Variants in LRP6 observed in about 807,000 individuals in gnomAD.
LRP6 encodes the protein low-density lipoprotein receptor-related protein 6.
Under a neutral mutation model 184.1 loss-of-function variants are expected in LRP6, and 43 were observed. The observed-to-expected ratio is 0.23, with a 90% CI of 0.18 to 0.30. LRP6 has a LOEUF of 0.30. LRP6 is among the 10% of genes least tolerant of loss of function. The pLI, the probability that LRP6 is intolerant of heterozygous loss-of-function variation, is 1.00. For synonymous variants in LRP6, 719 were observed against 684.9 expected, an observed-to-expected ratio of 1.05 and a Z score of -0.78; for missense variants, 1,571 against 2,005.3, an observed-to-expected ratio of 0.78 and a Z score of 4.14.
chr12:12,215,904 T>G (rs368862912), intron 2 of LRP6, among the ~76,000 whole-genome samples: 1 of 151,500 alleles, frequency 6.6e-6, no homozygotes, highest in Non-Finnish European at 1.5e-5. Flanking sequence ...CCCAGCTACT[T>G]GGGAAGTTGA....
In LRP6 at chr12:12,138,518, T is replaced by C; in HGVS notation, c.3414A>G (p.Val1138=). 1 of 1,613,974 alleles carries C rather than the reference T, an allele frequency of 6.2e-7. No homozygotes were observed. ...SSDLSGANRI[V]LEDSNILQPV... The stretch of plus-strand genomic sequence containing the variant: ...GCTGCAAGATATTGGAGTCTTCTAA[T>C]ACTATCCGGTTAGCACCTTGGAAAA... Residue 1138 remains valine, a synonymous_variant, in exon 16 of 23, where the codon GTA becomes GTG. Coordinates refer to ENST00000261349, the MANE Select transcript of LRP6 (RefSeq NM_002336.3).
At chr12:12,138,638 A>G in intron 15 of LRP6, 104 bp from the exon 16 acceptor site, 4 of 1,197,530 alleles carry the variant, frequency 3.3e-6, no homozygotes, top group Non-Finnish European at 2.3e-6. Flanking sequence ...TAGAGAAAAG[A>G]AAAAAAAAAC....
intron 2 of LRP6, among the ~76,000 whole-genome samples, chr12:12,203,772 C>G (rs1189118650): frequency 6.6e-6 from 1 of 151,962 alleles, no homozygotes; most frequent in Non-Finnish European, 1.5e-5. Context: ...GTCTCAAAAA[C>G]AAACAAACAA....
In LRP6 at chr12:12,130,774, C is replaced by A. The variant is rs1296231153; in HGVS notation, c.4081+9G>T. The A allele has an allele frequency of 3.2e-6, 5 of 1,555,776 alleles. No homozygotes were observed. Among genetic ancestry groups the A allele is most frequent in the Non-Finnish European group, 4.4e-6 (5 of 1,126,958 alleles). ...TTAAGAGTAATTTATAGATCTCAGT[C>A]CTACTTACAACAATCCAGTTCATCT... On this transcript the variant is annotated intron_variant, in intron 19 of 22. Transcript: ENST00000261349.
chr12:12,218,839 C>T (rs1864415373), intron 2 of LRP6, among the ~76,000 whole-genome samples: 1 of 151,894 alleles, frequency 6.6e-6, no homozygotes, highest in Non-Finnish European at 1.5e-5. Flanking sequence ...CTTTAAAAAA[C>T]AAAAAACCAG....
chr12:12,244,588 C>T lies in LRP6; in HGVS notation c.123G>A (p.Glu41=). 1 of 1,614,208 alleles carries T rather than the reference C, an allele frequency of 6.2e-7. No individual in the cohort carries two copies. The highest frequency in any genetic ancestry group is 8.5e-7 in the Non-Finnish European group (1 of 1,180,020). Residue 41 remains glutamate, a synonymous_variant, in exon 2 of 23, where the codon GAG becomes GAA. Coordinates refer to ENST00000261349, the MANE Select transcript of LRP6 (RefSeq NM_002336.3). ...AGCCTCCAACTACAATCGTAGCATT[C>T]TCTTTGCCATTTGTAGCATCAACCA... is the stretch of plus-strand genomic sequence containing the variant. ...LRLVDATNGK[E]NATIVVGGLE...
rs959727314 is a variant in LRP6 at position 12,219,813 on chromosome 12, G to A, written c.450-16413C>T. Among the ~76,000 whole-genome samples the A allele has an allele frequency of 4.6e-5, 7 of 152,144 alleles. 1 individual carries two copies. Among genetic ancestry groups the A allele is most frequent in the Non-Finnish European group, 5.9e-5 (4 of 68,040 alleles). ...TCTCTCCTAACTGGGACAGGGTTAC[G>A]TGTAAGTCCTGAGCTTTTCCAGTCA... On this transcript the variant is annotated intron_variant, in intron 2 of 22. Transcript: ENST00000261349.
rs577780034 is a variant in LRP6, at chr12:12,253,221, G to A, written c.56-8566C>T. On this transcript the variant is annotated intron_variant, in intron 1 of 22. Coordinates refer to ENST00000261349, the MANE Select transcript of LRP6 (RefSeq NM_002336.3). ...AGAGGTTGTGGTGGGCCAAGATCGC[G>A]CCACTGAACTCCAGCCTGGGCAACA... Among the ~76,000 whole-genome samples the A allele has an allele frequency of 1.4e-4, 22 of 152,256 alleles. No homozygotes were observed. In the East Asian group the frequency reaches 2.1e-3, roughly 15 times the overall value.
chr12:12,132,248 C>CTA (rs1949770655), intron 17 of LRP6, among the ~76,000 whole-genome samples, 191 bp from the exon 18 acceptor site: 1 of 152,196 alleles, frequency 6.6e-6, no homozygotes, highest in African/African-American at 2.4e-5. Context: ...TTTACATTCA[C>CTA]TATAAACTTT....
chr12:12,150,873 T>C lies in LRP6; in HGVS notation c.2957A>G (p.Gln986Arg), dbSNP rs1243538510. The stretch of plus-strand genomic sequence containing the variant: ...TTCTTGTGCCTTTCGGATCATGTTT[T>C]GTCGTGAGTCAATCCAATAGAGTTG... ...DKQLYWIDSR[Q>R]NMIRKAQEDG... is the part of the protein sequence containing the mutation. The change falls in exon 13 of 23, where the codon CAA becomes CGA. Residue 986 changes from glutamine to arginine, a missense_variant. Gln to Arg is a conservative substitution (Grantham distance 43, BLOSUM62 1). This residue lies in a region of LRP6 where 763 missense variants were observed against 859.5 expected (regional missense o/e 0.89). Transcript: ENST00000261349. The C allele has an allele frequency of 6.2e-7, 1 of 1,614,104 alleles. No individual in the cohort carries two copies.
chr12:12,256,180 C>G (rs776343990), intron 1 of LRP6, among the ~76,000 whole-genome samples: 3 of 152,166 alleles, frequency 2.0e-5, no homozygotes, highest in Non-Finnish European at 2.9e-5. Flanking sequence ...GATTTAACTG[C>G]AACAGGACGA....
At chr12:12,148,192 T>A (rs1950035732) in intron 14 of LRP6, among the ~76,000 whole-genome samples, 1 of 151,908 alleles carries the variant, frequency 6.6e-6, no homozygotes, top group Non-Finnish European at 1.5e-5. Context: ...CTTTCATAGA[T>A]TAACAGAATA....
At chr12:12,223,168 T>C (rs1213716708) in intron 2 of LRP6, among the ~76,000 whole-genome samples, 1 of 136,302 alleles carries the variant, frequency 7.3e-6, no homozygotes, top group African/African-American at 2.6e-5. Flanking sequence ...AAGTTCTTCA[T>C]TTCATCAGAA....
chr12:12,265,490 G>A (rs1865733042), intron 1 of LRP6, among the ~76,000 whole-genome samples: 1 of 152,126 alleles, frequency 6.6e-6, no homozygotes, highest in Non-Finnish European at 1.5e-5. Context: ...CAGACTATTA[G>A]TTACTATTAG....
intron 2 of LRP6, among the ~76,000 whole-genome samples, chr12:12,238,854 A>G (rs1864986981): frequency 6.6e-6 from 1 of 152,194 alleles, no homozygotes; most frequent in Non-Finnish European, 1.5e-5. Context: ...TAAACCTAAA[A>G]ACATGAAACT....
At chr12:12,149,269 C>A in intron 13 of LRP6, 116 bp from the exon 14 acceptor site, 1 of 818,366 alleles carries the variant, frequency 1.2e-6, no homozygotes, top group Non-Finnish European at 2.1e-6. Context: ...TCTCTCAAGT[C>A]TTAAGGAGTA....
intron 18 of LRP6, among the ~76,000 whole-genome samples, chr12:12,131,377 G>C (rs1949754022): frequency 6.6e-6 from 1 of 152,064 alleles, no homozygotes; most frequent in Non-Finnish European, 1.5e-5. Context: ...CAAAGTGCTG[G>C]GATTACAGGC....
rs1176205579 is a variant in LRP6 at position 12,181,378 on chromosome 12, T to G, written c.1038A>C (p.Thr346=). The G allele has an allele frequency of 1.9e-6, 3 of 1,587,266 alleles. No individual in the cohort carries two copies. Residue 346 remains threonine (T), a synonymous_variant, in exon 6 of 23, where the codon ACA becomes ACC. Coordinates refer to ENST00000261349, the MANE Select transcript of LRP6 (RefSeq NM_002336.3). ...RTDLRRISLD[T]PDFTDIVLQL... ...GCAGAACAATGTCTGTAAAATCTGG[T>G]GTATCCAAAGAAATGCGTCTCAAGT...
intron 2 of LRP6, among the ~76,000 whole-genome samples, chr12:12,222,575 A>G (rs903833864): frequency 6.1e-5 from 9 of 148,574 alleles, no homozygotes; most frequent in African/African-American, 2.0e-4. Flanking sequence ...TCAAAAAAAA[A>G]AAAGAAAGAA....
Sources: gnomAD v4.1 joint callset for allele counts (sites outside exome capture counted in the v4.1 genomes callset) on GRCh38, gnomAD v4.1.1 for gene constraint, gnomAD v4.1.1 regional missense constraint, MANE v1.5 for transcripts, NCBI Gene and HGNC (gene_info 2026-07-23, HGNC 2026-07-21) for gene names.